Variants in RASA3 observed in about 807,000 individuals in gnomAD.
The protein encoded by RASA3 is RAS p21 protein activator 3, also known as ras GTPase-activating protein 3.
In RASA3, 73 loss-of-function variants were observed where a neutral mutation model predicts 110.0. The observed-to-expected ratio is 0.66, with a 90% CI of 0.55 to 0.81. The LOEUF (loss-of-function observed/expected upper bound fraction) is 0.81, where lower values mean the gene tolerates loss of function less well. Ranked by LOEUF, RASA3 falls within the 30% of genes least tolerant of loss-of-function variation. The probability of loss-of-function intolerance (pLI) is 0.00; values close to 1 mark genes in which losing one functional copy is unlikely to be tolerated. For missense variants in RASA3, 976 were observed against 1,113.2 expected (o/e 0.88, Z 1.75); for synonymous variants, 500 against 451.4 (o/e 1.11, Z -1.37).
intron 2 of RASA3, among the ~76,000 whole-genome samples, chr13:114,070,776 G>A (rs2079557798): frequency 7.4e-6 from 1 of 134,734 alleles, no homozygotes; most frequent in African/African-American, 2.8e-5. Flanking sequence ...CACGTGGGCA[G>A]GGCTGCCGGC....
intron 20 of RASA3, among the ~76,000 whole-genome samples, chr13:113,997,090 C>A (rs7321908): frequency 2.6e-5 from 4 of 152,064 alleles, no homozygotes; most frequent in African/African-American, 7.2e-5. Flanking sequence ...GTGGCCTCCC[C>A]ACAAGGCCCT....
At chr13:114,075,534 G>T (rs1450850124) in intron 1 of RASA3, among the ~76,000 whole-genome samples, 5 of 95,528 alleles carry the variant, frequency 5.2e-5, no homozygotes, top group African/African-American at 1.1e-4. Context: ...TCTGGGTGTG[G>T]AGGCGCCGGC....
chr13:114,118,407 A>T (rs1217931066), intron 1 of RASA3, among the ~76,000 whole-genome samples: 1 of 152,174 alleles, frequency 6.6e-6, no homozygotes, highest in Admixed American at 6.5e-5. Flanking sequence ...TAACACATCA[A>T]GTAAAACTAA....
chr13:114,013,028 C>T, intron 15 of RASA3, 114 bp downstream of exon 15: 5 of 780,676 alleles, frequency 6.4e-6, no homozygotes, highest in East Asian at 2.7e-5. Flanking sequence ...TCACACACTC[C>T]CCACGCATTC....
intron 1 of RASA3, among the ~76,000 whole-genome samples, chr13:114,120,626 G>A (rs1274557335): frequency 6.6e-6 from 1 of 152,126 alleles, no homozygotes; most frequent in East Asian, 1.9e-4. Context: ...CTCCAGCCAG[G>A]CATCAATGCC....
intron 8 of RASA3, among the ~76,000 whole-genome samples, chr13:114,022,525 G>C (rs1220338063): frequency 1.1e-4 from 17 of 152,218 alleles, no homozygotes; most frequent in Non-Finnish European, 1.5e-5. Context: ...CCTGGAGGGA[G>C]AAGATTCCAG....
At chr13:114,077,188 G>T (rs562789711) in intron 1 of RASA3, among the ~76,000 whole-genome samples, 2 of 152,166 alleles carry the variant, frequency 1.3e-5, no homozygotes, top group Non-Finnish European at 2.9e-5. Flanking sequence ...ACTGCAGGAC[G>T]GAAACACACA....
intron 3 of RASA3, among the ~76,000 whole-genome samples, chr13:114,041,622 CAA>C (rs1442726154): frequency 1.1e-4 from 16 of 152,366 alleles, no homozygotes; most frequent in African/African-American, 7.2e-5. Context: ...CATCACGCCA[CAA>C]GAGACACGTG....
chr13:114,006,853 A>C (rs1594308029), intron 18 of RASA3, among the ~76,000 whole-genome samples: 1 of 44 alleles, frequency 0.023, no homozygotes. Context: ...CCTTCTCCCC[A>C]CTCCTGCCCT....
At chr13:114,025,841 G>A (rs990297322) in intron 7 of RASA3, among the ~76,000 whole-genome samples, 2 of 152,134 alleles carry the variant, frequency 1.3e-5, no homozygotes, top group Admixed American at 6.5e-5. Flanking sequence ...ACCACAGCCC[G>A]CGGGGGATGT....
rs555463067 is a variant in RASA3 at position 114,001,622 on chromosome 13, C to T, written c.1743-690G>A. Reference sequence around the variant, plus strand: ...TACGGCCACAGGCTCGGGGTCAGGGCGGGCAGTGGATGCCCACACAACACG... The same window carrying T: ...TACGGCCACAGGCTCGGGGTCAGGGTGGGCAGTGGATGCCCACACAACACG... On this transcript the variant is annotated intron_variant, in intron 18 of 23. Coordinates refer to ENST00000334062, the MANE Select transcript of RASA3 (RefSeq NM_007368.4). 6.4e-3 allele frequency among the ~76,000 whole-genome samples: 862 copies of T among 134,718 alleles called. 1 individual carries two copies. The highest frequency in any genetic ancestry group is 0.019 in the African/African-American group (679 of 35,176). 88.4% of individuals were successfully genotyped at this position (134,718 alleles called of 152,430 possible).
intron 3 of RASA3, among the ~76,000 whole-genome samples, chr13:114,050,305 C>T (rs1254280344): frequency 1.3e-5 from 2 of 152,224 alleles, no homozygotes; most frequent in Admixed American, 6.5e-5. Context: ...TGCACTCAGA[C>T]ACCTTCTGCA....
chr13:114,083,357 G>GTGGCCCC (rs2079811860), intron 1 of RASA3, among the ~76,000 whole-genome samples: 2 of 152,346 alleles, frequency 1.3e-5, no homozygotes, highest in East Asian at 3.9e-4. Context: ...TCTGTGGTGT[G>GTGGCCCC]AACATTCCTG....
At chr13:114,001,887 G>GCCCC (rs1316657194) in intron 18 of RASA3, among the ~76,000 whole-genome samples, 1 of 152,266 alleles carries the variant, frequency 6.6e-6, no homozygotes, top group African/African-American at 2.4e-5. Context: ...GGCCAGCCCT[G>GCCCC]CTGTGGTAGA....
At position 114,053,133 on chromosome 13, in the gene RASA3, C is replaced by T. The variant is rs192008668; in HGVS notation, c.174-978G>A. Among the ~76,000 whole-genome samples the T allele has an allele frequency of 2.8e-4, 43 of 151,954 alleles. No homozygotes were observed. In the Middle Eastern group the frequency reaches 0.014, roughly 49 times the overall value. On this transcript the variant is annotated intron_variant, in intron 2 of 23. Transcript: ENST00000334062. ...CCGCTGACTGTACTTAAAGTCCTTGCTCCCGGAGGAGAGGCCCCTGCTGCT... is the reference window on the plus strand; with the variant it reads ...CCGCTGACTGTACTTAAAGTCCTTGTTCCCGGAGGAGAGGCCCCTGCTGCT...
Position 113,992,303 on chromosome 13 carries a change from C to T in RASA3, c.2245+182G>A, listed in dbSNP as rs1214631252. On this transcript the variant is annotated intron_variant, in intron 22 of 23. Coordinates refer to ENST00000334062, the MANE Select transcript of RASA3 (RefSeq NM_007368.4). Reference sequence around the variant, plus strand: ...ACCTATTATACAGGTAATTGTCCCCCAGATAGCTGCCTACCCTGCAAAAAG... The same window carrying T: ...ACCTATTATACAGGTAATTGTCCCCTAGATAGCTGCCTACCCTGCAAAAAG... Among the ~76,000 whole-genome samples, 3 of 152,370 alleles carry T rather than the reference C, an allele frequency of 2.0e-5. No individual in the cohort carries two copies. In the East Asian group the frequency reaches 5.8e-4, roughly 29 times the overall value.
chr13:114,060,294 C>G (rs1174615639), intron 2 of RASA3, among the ~76,000 whole-genome samples: 1 of 152,172 alleles, frequency 6.6e-6, no homozygotes, highest in African/African-American at 2.4e-5. Flanking sequence ...ACCACAGCAG[C>G]TGGGAATATG....
At chr13:114,082,738 TG>T (rs2079803864) in intron 1 of RASA3, among the ~76,000 whole-genome samples, 1 of 152,174 alleles carries the variant, frequency 6.6e-6, no homozygotes, top group Non-Finnish European at 1.5e-5. Flanking sequence ...GGGACAGGCC[TG>T]GGGCTGCACC....
intron 1 of RASA3, among the ~76,000 whole-genome samples, chr13:114,076,956 TG>T (rs1035661590): frequency 2.6e-5 from 4 of 152,224 alleles, no homozygotes; most frequent in Non-Finnish European, 5.9e-5. Flanking sequence ...TTTTTGTCTT[TG>T]GGAGTTTTTT....
Sources: gnomAD v4.1 joint callset for allele counts (sites outside exome capture counted in the v4.1 genomes callset) on GRCh38, gnomAD v4.1.1 for gene constraint, MANE v1.5 for transcripts, NCBI Gene and HGNC (gene_info 2026-07-23, HGNC 2026-07-21) for gene names.